Variants in XYLT1 observed in about 807,000 individuals in gnomAD.
The protein encoded by XYLT1 is xylosyltransferase 1, also known as beta-D-xylosyltransferase 1.
XYLT1 carries 36 observed loss-of-function variants against 91.3 expected under a neutral mutation model. The ratio of observed to expected loss-of-function variants is 0.39; its 90% confidence interval spans 0.30 to 0.52. The LOEUF is 0.52. XYLT1 is among the 20% of genes least tolerant of loss of function. The pLI is 0.68. For synonymous variants in XYLT1, 588 were observed against 532.0 expected (o/e 1.11, Z -1.45); for missense variants, 1,242 against 1,284.5 (o/e 0.97, Z 0.51).
At chr16:17,114,931 G>A (rs1452343050) in intron 11 of XYLT1, among the ~76,000 whole-genome samples, 1 of 151,986 alleles carries the variant, frequency 6.6e-6, no homozygotes, top group Non-Finnish European at 1.5e-5. Context: ...TGCAAGCTCC[G>A]CTTCCCGGGT....
At position 17,122,342 on chromosome 16, in the gene XYLT1, C is replaced by T. The variant is rs147158909; in HGVS notation, c.2224-4363G>A. Among the ~76,000 whole-genome samples, 740 of 152,216 alleles carry T rather than the reference C, an allele frequency of 4.9e-3. 5 individuals carry two copies. The highest frequency in any genetic ancestry group is 0.017 in the African/African-American group (702 of 41,534). On this transcript the variant is annotated intron_variant, in intron 10 of 11. Coordinates refer to ENST00000261381, the MANE Select transcript of XYLT1 (RefSeq NM_022166.4). The stretch of plus-strand genomic sequence containing the variant: ...TGGTTTTGATTTGCATTTTCCTGAT[C>T]GTTAGTGATGTTGAGCATTTTTTCA...
At chr16:17,398,227 G>A (rs2035915465) in intron 1 of XYLT1, among the ~76,000 whole-genome samples, 1 of 152,182 alleles carries the variant, frequency 6.6e-6, no homozygotes, top group African/African-American at 2.4e-5. Flanking sequence ...TCAGGAGTCA[G>A]AGTGGGCAAA....
intron 3 of XYLT1, among the ~76,000 whole-genome samples, chr16:17,236,143 G>C (rs1049762852): frequency 4.6e-5 from 7 of 152,154 alleles, no homozygotes; most frequent in African/African-American, 1.7e-4. Flanking sequence ...GAAGGCTTAA[G>C]GTTGCTAGAT....
At chr16:17,183,555 C>G (rs2032115920) in intron 5 of XYLT1, among the ~76,000 whole-genome samples, 1 of 152,232 alleles carries the variant, frequency 6.6e-6, no homozygotes, top group Non-Finnish European at 1.5e-5. Flanking sequence ...CCCTTTACTT[C>G]TCACAGCCTT....
intron 3 of XYLT1, among the ~76,000 whole-genome samples, chr16:17,210,514 T>C (rs1176867436): frequency 6.6e-6 from 1 of 151,844 alleles, no homozygotes; most frequent in East Asian, 1.9e-4. Context: ...GAGGCGGAGG[T>C]TGCAGTGAGC....
chr16:17,165,495 G>C (rs1044578885), intron 5 of XYLT1, among the ~76,000 whole-genome samples: 1 of 151,400 alleles, frequency 6.6e-6, no homozygotes, highest in African/African-American at 2.4e-5. Context: ...GACCATCCTG[G>C]CCAACATGGT....
chr16:17,201,351 T>C (rs947970329), intron 3 of XYLT1, among the ~76,000 whole-genome samples: 2 of 152,210 alleles, frequency 1.3e-5, no homozygotes, highest in Non-Finnish European at 2.9e-5. Flanking sequence ...GCCTGGCCAA[T>C]GGGAATGCTG....
intron 2 of XYLT1, among the ~76,000 whole-genome samples, chr16:17,292,105 C>CACACAT (rs1491509347): frequency 7.3e-6 from 1 of 137,528 alleles, no homozygotes; most frequent in African/African-American, 2.7e-5. Flanking sequence ...CACACACACA[C>CACACAT]ATATACACAT....
chr16:17,396,174 G>T (rs1482532124), intron 1 of XYLT1, among the ~76,000 whole-genome samples: 1 of 152,178 alleles, frequency 6.6e-6, no homozygotes, highest in African/African-American at 2.4e-5. Context: ...TCCTGTACAG[G>T]TTTGCAAAAC....
chr16:17,426,319 G>C (rs898152174), intron 1 of XYLT1, among the ~76,000 whole-genome samples: 2 of 152,112 alleles, frequency 1.3e-5, no homozygotes, highest in African/African-American at 4.8e-5. Flanking sequence ...CACCACTTTG[G>C]GAGGCCGAGG....
chr16:17,194,266 C>T (rs1244361627), intron 5 of XYLT1: 5 of 152,238 alleles, frequency 3.3e-5, no homozygotes, highest in Admixed American at 3.3e-4. Flanking sequence ...AGTGGCAGAA[C>T]TCAGATTCGA....
chr16:17,337,796 T>TTTTTTG (rs397950983), intron 2 of XYLT1, among the ~76,000 whole-genome samples: 1 of 148,144 alleles, frequency 6.8e-6, no homozygotes. Flanking sequence ...TTTTTTTTTT[T>TTTTTTG]GTGAGACAGA....
intron 10 of XYLT1, among the ~76,000 whole-genome samples, chr16:17,126,209 C>A (rs1337129269): frequency 1.3e-5 from 2 of 152,176 alleles, no homozygotes; most frequent in African/African-American, 2.4e-5. Flanking sequence ...GAGGACCATC[C>A]CCCAAAAGCA....
intron 1 of XYLT1, among the ~76,000 whole-genome samples, chr16:17,405,658 G>A (rs1236171604): frequency 6.6e-6 from 1 of 152,194 alleles, no homozygotes; most frequent in African/African-American, 2.4e-5. Flanking sequence ...CGTGAGCTGG[G>A]AGATGTCCAG....
chr16:17,322,612 A>G (rs2034741272), intron 2 of XYLT1, among the ~76,000 whole-genome samples: 1 of 152,174 alleles, frequency 6.6e-6, no homozygotes, highest in Admixed American at 6.5e-5. Flanking sequence ...GATGATGTAT[A>G]TGTCTTCACT....
Position 17,450,509 on chromosome 16 carries a change from C to T in XYLT1, c.363+19925G>A, listed in dbSNP as rs189135082. Reference sequence around the variant, plus strand: ...GGAAAGGACACGTGGGTCACACACACGGCTGGAAGAAGAGACATGTGCAAT... The same window carrying T: ...GGAAAGGACACGTGGGTCACACACATGGCTGGAAGAAGAGACATGTGCAAT... On this transcript the variant is annotated intron_variant, in intron 1 of 11. Coordinates refer to ENST00000261381, the MANE Select transcript of XYLT1 (RefSeq NM_022166.4). Among the ~76,000 whole-genome samples, 435 of 152,268 alleles carry T rather than the reference C, an allele frequency of 2.9e-3. 1 individual carries two copies. The highest frequency in any genetic ancestry group is 9.6e-3 in the African/African-American group (397 of 41,558).
At chr16:17,297,304 C>T (rs1294157723) in intron 2 of XYLT1, among the ~76,000 whole-genome samples, 2 of 152,132 alleles carry the variant, frequency 1.3e-5, no homozygotes, top group Admixed American at 6.5e-5. Context: ...CAGTGGCTCA[C>T]GCCTATAATC....
At chr16:17,172,085 C>T (rs2031833049) in intron 5 of XYLT1, among the ~76,000 whole-genome samples, 1 of 152,172 alleles carries the variant, frequency 6.6e-6, no homozygotes, top group Non-Finnish European at 1.5e-5. Context: ...GGAATGATAT[C>T]AGGTTAACCT....
intron 10 of XYLT1, among the ~76,000 whole-genome samples, chr16:17,121,038 A>G (rs1333926066): frequency 2.0e-5 from 3 of 152,154 alleles, no homozygotes; most frequent in African/African-American, 7.2e-5. Context: ...TCACCTGTCT[A>G]TCAATCTATC....
Sources: gnomAD v4.1 joint callset for allele counts (sites outside exome capture counted in the v4.1 genomes callset) on GRCh38, gnomAD v4.1.1 for gene constraint, MANE v1.5 for transcripts, NCBI Gene and HGNC (gene_info 2026-07-23, HGNC 2026-07-21) for gene names.